FAM111B: variants seen among roughly 807,000 people sequenced by gnomAD.
FAM111B encodes FAM111 trypsin like peptidase B.
In FAM111B, 1 loss-of-function variant was observed where a neutral mutation model predicts 2.8. That is an observed-to-expected ratio of 0.36 (90% CI 0.13 to 1.70). The LOEUF (loss-of-function observed/expected upper bound fraction) is 1.70. FAM111B is among the 40% of genes most tolerant of loss of function. The pLI, the probability that FAM111B is intolerant of heterozygous loss-of-function variation, is 0.35. For synonymous variants in FAM111B, 297 were observed against 295.6 expected (o/e 1.00, Z -0.05); for missense variants, 882 against 878.9 (o/e 1.00, Z -0.04).
At position 59,111,817 on chromosome 11, in the gene FAM111B, G is replaced by A. The variant is rs1233420553; in HGVS notation, c.81+2111G>A. Among the ~76,000 whole-genome samples the A allele has an allele frequency of 3.3e-5, 5 of 151,990 alleles. No homozygotes were observed. The South Asian group carries it at 6.2e-4, about 19-fold the overall frequency. On this transcript the variant is annotated intron_variant, in intron 3 of 3. Coordinates refer to ENST00000343597, the MANE Select transcript of FAM111B (RefSeq NM_198947.4). ...TGTTCGTCTAGAAAATAGAATGAGA[G>A]GGAAAAATCAAAGTAAAGGAGGCAA...
chr11:59,124,450 G>T lies in FAM111B; in HGVS notation c.353G>T (p.Ser118Ile), dbSNP rs1354957633. Reference protein sequence around the residue: ...YSALSANDYFSERIKNQFNKN... With the variant: ...YSALSANDYFIERIKNQFNKN... The stretch of plus-strand genomic sequence containing the variant: ...GCCCTGAGTGCTAATGACTATTTCA[G>T]TGAAAGGATAAAGAATCAGTTTAAT... Residue 118 changes from serine to isoleucine, a missense_variant, in exon 4 of 4, where the codon AGT becomes ATT. Physicochemically the swap from Ser to Ile is moderately radical, Grantham distance 142. Coordinates refer to ENST00000343597, the MANE Select transcript of FAM111B (RefSeq NM_198947.4). 1.2e-6 allele frequency: 2 copies of T among 1,613,616 alleles called. No individual in the cohort carries two copies. Among genetic ancestry groups the T allele is most frequent in the African/African-American group, 2.7e-5 (2 of 75,022 alleles).
At chr11:59,120,299 T>C (rs1419885410) in intron 3 of FAM111B, among the ~76,000 whole-genome samples, 2 of 152,190 alleles carry the variant, frequency 1.3e-5, no homozygotes, top group Non-Finnish European at 2.9e-5. Flanking sequence ...TTTCAAGATG[T>C]GACAATATCT....
At chr11:59,121,102 G>A (rs1272627740) in intron 3 of FAM111B, among the ~76,000 whole-genome samples, 1 of 142,646 alleles carries the variant, frequency 7.0e-6, no homozygotes, top group Non-Finnish European at 1.5e-5. Flanking sequence ...TCCTGTGAAA[G>A]GTGTTCTAAT....
chr11:59,125,331 G>T lies in FAM111B; in HGVS notation c.1234G>T (p.Val412Leu), dbSNP rs1420164679. ...YPNFKEEAQW[V>L]RKYFREEQKR... ...GAATTTTAAAGAGGAGGCACAGTGG[G>T]TAAGAAAATATTTTCGGGAAGAACA... The change falls in exon 4 of 4, where the codon GTA (valine) becomes TTA (leucine). Residue 412 changes from valine to leucine, a missense_variant. Coordinates refer to ENST00000343597, the MANE Select transcript of FAM111B (RefSeq NM_198947.4). 1.2e-6 allele frequency: 2 copies of T among 1,613,914 alleles called. No homozygotes were observed. The highest frequency in any genetic ancestry group is 1.7e-5 in the Admixed American group (1 of 60,000).
chr11:59,121,899 C>T (rs1042316954), intron 3 of FAM111B, among the ~76,000 whole-genome samples: 1 of 152,146 alleles, frequency 6.6e-6, no homozygotes, highest in African/African-American at 2.4e-5. Flanking sequence ...AATCCCAGCA[C>T]TTTGGGAGGC....
rs572787206 is a variant in FAM111B at position 59,122,146 on chromosome 11, A to C, written c.82-2033A>C. Among the ~76,000 whole-genome samples the C allele has an allele frequency of 2.4e-4, 37 of 152,392 alleles. No individual in the cohort carries two copies. The Middle Eastern group carries it at 0.01, about 42-fold the overall frequency. The stretch of plus-strand genomic sequence containing the variant: ...GACAGAGCGAGACTCCGTCTCAAAA[A>C]AAATAAATAAATAAAATAAAATAAA... On this transcript the variant is annotated intron_variant, in intron 3 of 3. Transcript: ENST00000343597.
Position 59,119,383 on chromosome 11 carries a change from G to T in FAM111B, c.82-4796G>T, listed in dbSNP as rs183936717. Among the ~76,000 whole-genome samples, 9 of 150,690 alleles carry T rather than the reference G, an allele frequency of 6.0e-5. No homozygotes were observed. The East Asian group carries it at 1.5e-3, about 26-fold the overall frequency. ...GGGCAGTCATAGAGTTTGCATCATT[G>T]TTTTTCCGTTTCTCAGGTGTCACTG... On this transcript the variant is annotated intron_variant, in intron 3 of 3. Transcript: ENST00000343597.
intron 3 of FAM111B, 154 bp downstream of exon 3, chr11:59,109,860 T>G (rs1483407680): frequency 7.1e-6 from 3 of 424,462 alleles, no homozygotes; most frequent in Non-Finnish European, 1.3e-5. Flanking sequence ...ACATAAGTGC[T>G]TGTGGAAAGC....
In FAM111B at chr11:59,116,885, A is replaced by G. The variant is rs1210019775; in HGVS notation, c.81+7179A>G. ...CAGGCAGGTGGAGTCCTGGCTCTCC[A>G]GTAGACTCTGAACGTGAGAGGTCAT... On this transcript the variant is annotated intron_variant, in intron 3 of 3. Coordinates refer to ENST00000343597, the MANE Select transcript of FAM111B (RefSeq NM_198947.4). Among the ~76,000 whole-genome samples the G allele has an allele frequency of 2.6e-5, 4 of 152,224 alleles. No homozygotes were observed. The East Asian group carries it at 5.8e-4, about 22-fold the overall frequency.
At chr11:59,116,869 G>A (rs1859847831) in intron 3 of FAM111B, among the ~76,000 whole-genome samples, 1 of 152,214 alleles carries the variant, frequency 6.6e-6, no homozygotes, top group Non-Finnish European at 1.5e-5. Context: ...TCAGGCAGGT[G>A]GAGTCCTGGC....
chr11:59,126,028 G>C lies in FAM111B; in HGVS notation c.1931G>C (p.Cys644Ser). ...WNTHTLSYDTCFSDGSSGSPV... is the reference protein window; with the variant it reads ...WNTHTLSYDTSFSDGSSGSPV... The stretch of plus-strand genomic sequence containing the variant: ...ACACACACGCTTAGTTATGATACTT[G>C]TTTCTCTGATGGGTCCTCAGGCTCC... Residue 644 changes from cysteine to serine, a missense_variant, in exon 4 of 4, where the codon TGT becomes TCT. Cys to Ser is a moderately radical substitution (Grantham distance 112). Coordinates refer to ENST00000343597, the MANE Select transcript of FAM111B (RefSeq NM_198947.4). 1 of 1,613,926 alleles carries C rather than the reference G, an allele frequency of 6.2e-7. No homozygotes were observed. The highest frequency in any genetic ancestry group is 8.5e-7 in the Non-Finnish European group (1 of 1,179,864).
chr11:59,110,675 A>G (rs1399024367), intron 3 of FAM111B, among the ~76,000 whole-genome samples: 1 of 152,204 alleles, frequency 6.6e-6, no homozygotes, highest in East Asian at 1.9e-4. Flanking sequence ...ATGTACATTA[A>G]TTATGCATTT....
chr11:59,118,122 T>G (rs1350710844), intron 3 of FAM111B, among the ~76,000 whole-genome samples: 1 of 152,210 alleles, frequency 6.6e-6, no homozygotes, highest in East Asian at 1.9e-4. Context: ...CCATGTTTCA[T>G]CTGCAATGCA....
rs1859724482 is a variant in FAM111B at position 59,109,532 on chromosome 11, T to A, written c.-86-8T>A. Reference sequence around the variant, plus strand: ...ATTTCATAGATCTTGTTTTTTTGGTTTTTTTAGACATTTCAGGTGGCAGAA... The same window carrying A: ...ATTTCATAGATCTTGTTTTTTTGGTATTTTTAGACATTTCAGGTGGCAGAA... On this transcript the variant is annotated splice_polypyrimidine_tract_variant and splice_region_variant and intron_variant, in intron 2 of 3. Coordinates refer to ENST00000343597, the MANE Select transcript of FAM111B (RefSeq NM_198947.4). The A allele has an allele frequency of 1.1e-6, 1 of 894,702 alleles. No homozygotes were observed. The highest frequency in any genetic ancestry group is 1.9e-5 in the South Asian group (1 of 52,404). 55.4% of individuals were successfully genotyped at this position (894,702 alleles called of 1,614,324 possible). A position where few individuals can be genotyped will look rare whatever the true frequency, so the allele number is the denominator to read the frequency against.
intron 3 of FAM111B, among the ~76,000 whole-genome samples, chr11:59,111,026 C>A (rs1180957111): frequency 6.6e-6 from 1 of 152,136 alleles, no homozygotes; most frequent in Non-Finnish European, 1.5e-5. Flanking sequence ...GCTCTTAATT[C>A]AGTGGTATAC....
Position 59,109,579 on chromosome 11 carries a change from C to T in FAM111B, c.-47C>T. ...AGAATAAATTCAATCCTTGTTTCTCCATCTTATCGAGTAGTAGAAGTTAGT... is the reference window on the plus strand; with the variant it reads ...AGAATAAATTCAATCCTTGTTTCTCTATCTTATCGAGTAGTAGAAGTTAGT... On this transcript the variant is annotated 5_prime_UTR_variant, in exon 3 of 4. Coordinates refer to ENST00000343597, the MANE Select transcript of FAM111B (RefSeq NM_198947.4). 2 of 1,274,754 alleles carry T rather than the reference C, an allele frequency of 1.6e-6. No individual in the cohort carries two copies. Among genetic ancestry groups the T allele is most frequent in the South Asian group, 1.5e-5 (1 of 68,798 alleles). The allele number at this position is 1,274,754 out of a possible 1,614,324, so 79.0% of individuals were successfully genotyped here. A position where few individuals can be genotyped will look rare whatever the true frequency, so the allele number is the denominator to read the frequency against.
At chr11:59,115,823 A>T (rs1335670750) in intron 3 of FAM111B, among the ~76,000 whole-genome samples, 2 of 152,200 alleles carry the variant, frequency 1.3e-5, no homozygotes, top group African/African-American at 2.4e-5. Flanking sequence ...CAATAAAGTT[A>T]ACTCCCTTGA....
At chr11:59,122,606 C>G (rs958582438) in intron 3 of FAM111B, among the ~76,000 whole-genome samples, 14 of 152,102 alleles carry the variant, frequency 9.2e-5, no homozygotes, top group African/African-American at 2.9e-4. Context: ...TTATCAGATT[C>G]AAGAACACAG....
Position 59,125,476 on chromosome 11 carries a change from C to A in FAM111B, c.1379C>A (p.Ser460Ter). Residue 460 changes from serine (S) to a stop codon, truncating the protein, a stop_gained, in exon 4 of 4, where the codon TCA becomes TAA. Coordinates refer to ENST00000343597, the MANE Select transcript of FAM111B (RefSeq NM_198947.4). LOFTEE classifies it low-confidence loss of function (END_TRUNC). ...TCEQLTYYSKSVGFMQWDNNG... is the reference protein window; with the variant it reads ...TCEQLTYYSK ...GAACAGCTTACATATTATAGCAAGT[C>A]AGTTGGGTTCATGCAATGGGACAAT... 1 of 1,613,906 alleles carries A rather than the reference C, an allele frequency of 6.2e-7. No individual in the cohort carries two copies. The highest frequency in any genetic ancestry group is 1.1e-5 in the South Asian group (1 of 91,058).
Sources: allele counts gnomAD v4.1 joint callset (sites outside exome capture counted in the v4.1 genomes callset), GRCh38; gene constraint gnomAD v4.1.1; transcripts MANE v1.5; gene names NCBI Gene and HGNC (gene_info 2026-07-23, HGNC 2026-07-21).